The following ECHDC2 variants were observed in gnomAD, a reference collection of about 807,000 sequenced individuals.
The protein encoded by ECHDC2 is enoyl-CoA hydratase domain containing 2.
ECHDC2 carries 34 observed loss-of-function variants against 40.6 expected under a neutral mutation model. That is an observed-to-expected ratio of 0.84 (90% CI 0.64 to 1.11). The LOEUF (loss-of-function observed/expected upper bound fraction) is 1.11, where lower values mean the gene tolerates loss of function less well. Ranked by LOEUF, ECHDC2 falls within the 50% of genes most tolerant of loss-of-function variation. ECHDC2 has a pLI of 0.00. For synonymous variants in ECHDC2, 162 were observed against 166.6 expected (o/e 0.97, Z 0.21); for missense variants, 392 against 400.7 (o/e 0.98, Z 0.19).
chr1:52,897,597 A>G, intron 8 of ECHDC2, 113 bp from the exon 9 acceptor site: 1 of 1,019,068 alleles, frequency 9.8e-7, no homozygotes, highest in South Asian at 1.3e-5. Flanking sequence ...GATAGCTATG[A>G]GAAGGAATTT....
chr1:52,911,557 A>G lies in ECHDC2; in HGVS notation c.277+9T>C. ...CAGAGCACAGATGGGGGCAGGAGAG[A>G]GAACCTACCTGCACAGAACACGCCC... On this transcript the variant is annotated intron_variant, in intron 3 of 9. Coordinates refer to ENST00000371522, the MANE Select transcript of ECHDC2 (RefSeq NM_001198961.2). 1 of 1,612,188 alleles carries G rather than the reference A, an allele frequency of 6.2e-7. No individual in the cohort carries two copies. The highest frequency in any genetic ancestry group is 1.7e-5 in the Admixed American group (1 of 60,008).
At chr1:52,907,654 G>GATCTC in intron 4 of ECHDC2, 1 of 540,106 alleles carries the variant, frequency 1.9e-6, no homozygotes, top group South Asian at 2.6e-5. Flanking sequence ...TGAACCCTGA[G>GATCTC]GGTGGGGCGG....
chr1:52,915,231 T>C (rs1226473769), intron 1 of ECHDC2: 1 of 455,820 alleles, frequency 2.2e-6, no homozygotes, highest in African/African-American at 2.0e-5. Context: ...CAGAGGAGTG[T>C]TTCCCAATCC....
chr1:52,903,786 T>C (rs2150044210), intron 7 of ECHDC2, among the ~76,000 whole-genome samples: 1 of 152,046 alleles, frequency 6.6e-6, no homozygotes, highest in East Asian at 1.9e-4. Flanking sequence ...AAATGCTTAA[T>C]ACATGTCCTG....
At chr1:52,915,926 C>A (rs1372514095) in intron 1 of ECHDC2, among the ~76,000 whole-genome samples, 2 of 152,154 alleles carry the variant, frequency 1.3e-5, no homozygotes, top group Admixed American at 6.5e-5. Flanking sequence ...CAAAGGACTG[C>A]GGGCAACCTC....
chr1:52,900,551 T>C (rs1368441335), intron 7 of ECHDC2: 1 of 152,220 alleles, frequency 6.6e-6, no homozygotes, highest in Non-Finnish European at 1.5e-5. Flanking sequence ...TTAAAAGGAA[T>C]TTATTTAAAT....
Position 52,907,860 on chromosome 1 carries a change from A to G in ECHDC2, c.364+8T>C. The G allele has an allele frequency of 1.9e-6, 3 of 1,611,894 alleles. No homozygotes were observed. The highest frequency in any genetic ancestry group is 2.2e-5 in the South Asian group (2 of 90,968). On this transcript the variant is annotated splice_region_variant and intron_variant, in intron 4 of 9. Coordinates refer to ENST00000371522, the MANE Select transcript of ECHDC2 (RefSeq NM_001198961.2). ...ACCCCCTCCTCCACCCCACACCCAG[A>G]TCCTCACCGATGTCATTCATCAGGC...
intron 5 of ECHDC2, chr1:52,905,645 C>G (rs1647594137): frequency 6.3e-6 from 1 of 158,028 alleles, no homozygotes; most frequent in Admixed American, 5.9e-5. Flanking sequence ...ACTGACGCAC[C>G]CCCCCGGGTC....
At position 52,905,105 on chromosome 1, in the gene ECHDC2, C is replaced by G; in HGVS notation, c.458-15G>C. Reference sequence around the variant, plus strand: ...TGCCGAGGAAGCTGCTCAGATAGAACAAAGTGAGGCCTCCCTCCCCCATCC... The same window carrying G: ...TGCCGAGGAAGCTGCTCAGATAGAAGAAAGTGAGGCCTCCCTCCCCCATCC... On this transcript the variant is annotated splice_polypyrimidine_tract_variant and intron_variant, in intron 5 of 9. Coordinates refer to ENST00000371522, the MANE Select transcript of ECHDC2 (RefSeq NM_001198961.2). 1 of 1,613,864 alleles carries G rather than the reference C, an allele frequency of 6.2e-7. No individual in the cohort carries two copies. Among genetic ancestry groups the G allele is most frequent in the Non-Finnish European group, 8.5e-7 (1 of 1,179,992 alleles).
At chr1:52,906,181 G>A (rs865819330) in intron 5 of ECHDC2, 39 of 376,314 alleles carry the variant, frequency 1.0e-4, no homozygotes, top group Middle Eastern at 9.3e-4. Flanking sequence ...ACCTTTTTCC[G>A]AAACATGGTC....
intron 3 of ECHDC2, 48 bp downstream of exon 3, chr1:52,911,518 T>G (rs1649479896): frequency 2.5e-6 from 4 of 1,585,326 alleles, no homozygotes; most frequent in Non-Finnish European, 3.5e-6. Context: ...CCCTGGAGGC[T>G]GGTGGGCACC....
chr1:52,906,313 A>C, intron 5 of ECHDC2: 1 of 668,440 alleles, frequency 1.5e-6, no homozygotes. Flanking sequence ...AGGTTCTGAC[A>C]GGTCACAGAT....
At chr1:52,907,532 A>G in intron 4 of ECHDC2, 1 of 267,136 alleles carries the variant, frequency 3.7e-6, no homozygotes, top group South Asian at 8.6e-5. Flanking sequence ...GGCTTGAAGG[A>G]CAAGTAAAAG....
intron 7 of ECHDC2, 74 bp downstream of exon 7, chr1:52,904,572 A>G: frequency 2.2e-6 from 3 of 1,360,908 alleles, no homozygotes; most frequent in Non-Finnish European, 2.9e-6. Context: ...TGTGCAGCCC[A>G]AGGGGACACC....
chr1:52,914,157 C>A lies in ECHDC2; in HGVS notation c.122-2367G>T. The A allele has an allele frequency of 2.1e-6, 1 of 466,652 alleles. No individual in the cohort carries two copies. 28.9% of individuals were successfully genotyped at this position (466,652 alleles called of 1,614,324 possible). ...GTGAGGAGAACTTGGAGAAAAAGGA[C>A]AAACAAGTAAGGGGCCTCCAGTGGG... On this transcript the variant is annotated intron_variant, in intron 1 of 9. Coordinates refer to ENST00000371522, the MANE Select transcript of ECHDC2 (RefSeq NM_001198961.2). This position sits in a 1 kb window ranked among gnomAD's most constrained non-coding sequence, Gnocchi z 4.0.
intron 1 of ECHDC2, among the ~76,000 whole-genome samples, chr1:52,917,223 GAAA>G (rs569946278): frequency 1.0e-5 from 1 of 99,916 alleles, no homozygotes; most frequent in Admixed American, 9.2e-5. Context: ...CCATCTCAAA[GAAA>G]AAAAAAAAAA....
In ECHDC2 at chr1:52,920,437, GA is replaced by G; in HGVS notation, c.121+1115del. 5.2e-6 allele frequency: 6 copies of G among 1,158,162 alleles called. No individual in the cohort carries two copies. In the South Asian group the frequency reaches 6.5e-5, roughly 13 times the overall value. The allele number at this position is 1,158,162 out of a possible 1,614,324, so 71.7% of individuals were successfully genotyped here. ...GCCACGAAGGTGGCAAGAAGCCACT[GA>G]AACAGCCCAAGAATGCAGGCCAAGG... On this transcript the variant is annotated intron_variant, in intron 1 of 9. Coordinates refer to ENST00000371522, the MANE Select transcript of ECHDC2 (RefSeq NM_001198961.2).
chr1:52,911,505 A>C, intron 3 of ECHDC2, 61 bp downstream of exon 3: 1 of 1,538,696 alleles, frequency 6.5e-7, no homozygotes, highest in South Asian at 1.1e-5. Context: ...GGTTTCCCCC[A>C]ACCCCTGGAG....
intron 1 of ECHDC2, 122 bp downstream of exon 1, chr1:52,921,431 A>G: frequency 7.0e-7 from 1 of 1,437,476 alleles, no homozygotes; most frequent in Non-Finnish European, 9.1e-7. Flanking sequence ...GGCGCCTAGA[A>G]CTGGGAGGGA....
Sources: allele counts gnomAD v4.1 joint callset (sites outside exome capture counted in the v4.1 genomes callset), GRCh38; gene constraint gnomAD v4.1.1; non-coding constraint Gnocchi (gnomAD v3.1); transcripts MANE v1.5; gene names NCBI Gene and HGNC (gene_info 2026-07-23, HGNC 2026-07-21).